TOP3A: variants seen among roughly 807,000 people sequenced by gnomAD.
TOP3A encodes the protein DNA topoisomerase III alpha.
Under a neutral mutation model 111.3 loss-of-function variants are expected in TOP3A, and 64 were observed. That is an observed-to-expected ratio of 0.57 (90% confidence interval 0.47 to 0.71). The LOEUF (loss-of-function observed/expected upper bound fraction) is 0.71. Ranked by LOEUF, TOP3A falls within the 30% of genes least tolerant of loss-of-function variation. TOP3A has a pLI of 0.00. For synonymous variants in TOP3A, 484 were observed against 485.1 expected, an observed-to-expected ratio of 1.00 and a Z score of 0.03; for missense variants, 1,104 against 1,285.0, an observed-to-expected ratio of 0.86 and a Z score of 2.15.
rs776815778 is a variant in TOP3A at position 18,314,625 on chromosome 17, G to T, written c.154C>A (p.Leu52Met). 6.2e-7 allele frequency: 1 copy of T among 1,611,624 alleles called. No individual in the cohort carries two copies. Among genetic ancestry groups the T allele is most frequent in the Non-Finnish European group, 8.5e-7 (1 of 1,178,836 alleles). Residue 52 changes from leucine to methionine, a missense_variant, in exon 1 of 19, where the codon CTG becomes ATG. Transcript: ENST00000321105. ...CGCCTCATGCGACCGTTTGACAGCA[G>T]GTCGGCGATCCCCTTGGCCGCGTCG... Reference protein sequence around the residue: ...KNDAAKGIADLLSNGRMRRRE... With the variant: ...KNDAAKGIADMLSNGRMRRRE...
In TOP3A at chr17:18,294,881, T is replaced by C. The variant is rs1597972378; in HGVS notation, c.991-96A>G. 4 of 792,870 alleles carry C rather than the reference T, an allele frequency of 5.0e-6. No homozygotes were observed. In the East Asian group the frequency reaches 7.7e-5, roughly 15 times the overall value. The allele number at this position is 792,870 out of a possible 1,614,324, so 49.1% of individuals were successfully genotyped here. Reference sequence around the variant, plus strand: ...CATCTTCAGTCAAATCTGGCCCGTGTCACTCCAGGTGCTTCTGTCAAACAG... The same window carrying C: ...CATCTTCAGTCAAATCTGGCCCGTGCCACTCCAGGTGCTTCTGTCAAACAG... On this transcript the variant is annotated intron_variant, in intron 9 of 18. Transcript: ENST00000321105.
intron 1 of TOP3A, 111 bp downstream of exon 1, chr17:18,314,488 C>T (rs1286787192): frequency 7.8e-7 from 1 of 1,274,732 alleles, no homozygotes; most frequent in African/African-American, 1.5e-5. Context: ...GGCAGTGAGG[C>T]CTGAGAAATG....
chr17:18,299,753 G>C, intron 8 of TOP3A, 120 bp from the exon 9 acceptor site: 1 of 899,958 alleles, frequency 1.1e-6, no homozygotes, highest in South Asian at 1.4e-5. Flanking sequence ...TAAGCCCGCA[G>C]TGACAGCCTA....
In TOP3A at chr17:18,292,754, G is replaced by A. The variant is rs755837172; in HGVS notation, c.1172C>T (p.Ala391Val). The A allele has an allele frequency of 1.9e-6, 3 of 1,613,664 alleles. No individual in the cohort carries two copies. Among genetic ancestry groups the A allele is most frequent in the Non-Finnish European group, 2.5e-6 (3 of 1,179,774 alleles). The change falls in exon 11 of 19, where the codon GCC becomes GTC. Residue 391 changes from alanine (A) to valine (V), a missense_variant. Physicochemically the swap from Ala to Val is moderately conservative, Grantham distance 64. Transcript: ENST00000321105. The stretch of plus-strand genomic sequence containing the variant: ...CCGCTCTAGAATGCTCTGGGCAAAG[G>A]CCCCCCAGCGTGGATCGGGGGTCTG... ...EQQTPDPRWG[A>V]FAQSILERGG... is the part of the protein sequence containing the mutation.
chr17:18,288,678 C>T (rs954018218), intron 13 of TOP3A, among the ~76,000 whole-genome samples: 9 of 152,130 alleles, frequency 5.9e-5, no homozygotes, highest in Non-Finnish European at 1.2e-4. Flanking sequence ...TGCTCCTGTG[C>T]CCTTCCTCAG....
rs1195127047 is a variant in TOP3A at position 18,282,759 on chromosome 17, G to T, written c.1960C>A (p.Pro654Thr). The T allele has an allele frequency of 6.2e-7, 1 of 1,614,150 alleles. No individual in the cohort carries two copies. Among genetic ancestry groups the T allele is most frequent in the South Asian group, 1.1e-5 (1 of 91,078 alleles). The change falls in exon 16 of 19, where the codon CCC (proline) becomes ACC (threonine). Residue 654 changes from proline (P) to threonine (T), a missense_variant. Pro to Thr is a conservative substitution (Grantham distance 38). Coordinates refer to ENST00000321105, the MANE Select transcript of TOP3A (RefSeq NM_004618.5). Reference sequence around the variant, plus strand: ...TTGCACTGTGGGCACTTCCTGATGGGCTCTGGCATGGCTGGGTAGATATCT... The same window carrying T: ...TTGCACTGTGGGCACTTCCTGATGGTCTCTGGCATGGCTGGGTAGATATCT... ...QEDIYPAMPEPIRKCPQCNKD... is the reference protein window; with the variant it reads ...QEDIYPAMPETIRKCPQCNKD...
In TOP3A at chr17:18,273,323, G is replaced by T. The variant is rs1303149456; in HGVS notation, c.*1479C>A. On this transcript the variant is annotated 3_prime_UTR_variant, in exon 19 of 19. Coordinates refer to ENST00000321105, the MANE Select transcript of TOP3A (RefSeq NM_004618.5). ...AAGGTTTTTGTGAAGGCAAACGGGG[G>T]AACATGGCCACCACTGGAAAAAGTG... is the stretch of plus-strand genomic sequence containing the variant. 1.3e-5 allele frequency: 2 copies of T among 152,228 alleles called. No individual in the cohort carries two copies. Among genetic ancestry groups the T allele is most frequent in the African/African-American group, 4.8e-5 (2 of 41,450 alleles). 9.4% of individuals were successfully genotyped at this position (152,228 alleles called of 1,614,324 possible).
intron 18 of TOP3A, 93 bp from the exon 19 acceptor site, chr17:18,275,073 C>G: frequency 6.7e-6 from 10 of 1,497,024 alleles, no homozygotes; most frequent in Non-Finnish European, 9.0e-6. Flanking sequence ...AATCCCAGCA[C>G]TTTAGGAAGC....
rs755649782 is a variant in TOP3A at position 18,314,731 on chromosome 17, G to T, written c.48C>A (p.Pro16=). 3.2e-6 allele frequency: 5 copies of T among 1,586,148 alleles called. No homozygotes were observed. In the Admixed American group the frequency reaches 7.2e-5, roughly 23 times the overall value. Residue 16 remains proline (P), a synonymous_variant, in exon 1 of 19, where the codon CCC becomes CCA. Coordinates refer to ENST00000321105, the MANE Select transcript of TOP3A (RefSeq NM_004618.5). ...ARYALRWLRR[P]EDRAFSRAAM... is the part of the protein sequence containing the mutation. ...CGGCGCGGGAAAAGGCACGGTCTTC[G>T]GGCCGTCGCAGCCACCGGAGCGCGT...
chr17:18,287,588 TG>T (rs1184904274), intron 13 of TOP3A, among the ~76,000 whole-genome samples: 1 of 151,888 alleles, frequency 6.6e-6, no homozygotes, highest in Admixed American at 6.6e-5. Flanking sequence ...TGGCAACACA[TG>T]CCTGTAGTCC....
chr17:18,280,783 A>C, intron 16 of TOP3A, 125 bp from the exon 17 acceptor site: 1 of 1,076,980 alleles, frequency 9.3e-7, no homozygotes, highest in South Asian at 1.5e-5. Context: ...ATGACACTTA[A>C]CTGGATACAC....
chr17:18,300,699 G>A (rs1981174273), intron 8 of TOP3A, among the ~76,000 whole-genome samples: 1 of 151,994 alleles, frequency 6.6e-6, no homozygotes, highest in South Asian at 2.1e-4. Context: ...GGAACTATAT[G>A]CAGGTACCAC....
chr17:18,282,431 A>T (rs1979816226), intron 16 of TOP3A, among the ~76,000 whole-genome samples: 1 of 152,206 alleles, frequency 6.6e-6, no homozygotes, highest in African/African-American at 2.4e-5. Flanking sequence ...TGTGTTACAC[A>T]TTGGGTATAT....
At chr17:18,280,414 C>T in intron 17 of TOP3A, 122 bp downstream of exon 17, 2 of 1,162,388 alleles carry the variant, frequency 1.7e-6, no homozygotes, top group Non-Finnish European at 2.4e-6. Context: ...CTGCAGAACA[C>T]AGCTACGCCC....
rs762149925 is a variant in TOP3A at position 18,274,985 on chromosome 17, C to T, written c.2828-5G>A. 20 of 1,612,686 alleles carry T rather than the reference C, an allele frequency of 1.2e-5. No individual in the cohort carries two copies. Among genetic ancestry groups the T allele is most frequent in the Middle Eastern group, 1.7e-4 (1 of 5,942 alleles). Reference sequence around the variant, plus strand: ...AGGACGGGGCTCCAGAAGTCCCTGTCGGGAGAGTCAGGGGAGGGGTGAGGT... The same window carrying T: ...AGGACGGGGCTCCAGAAGTCCCTGTTGGGAGAGTCAGGGGAGGGGTGAGGT... On this transcript the variant is annotated splice_polypyrimidine_tract_variant and splice_region_variant and intron_variant, in intron 18 of 18. Transcript: ENST00000321105.
intron 9 of TOP3A, among the ~76,000 whole-genome samples, chr17:18,296,615 T>G (rs1196014663): frequency 6.6e-6 from 1 of 151,822 alleles, no homozygotes; most frequent in Non-Finnish European, 1.5e-5. Context: ...ATGCATAACT[T>G]CCCCCATGCA....
chr17:18,308,935 C>T lies in TOP3A; in HGVS notation c.187G>A (p.Gly63Arg). The change falls in exon 2 of 19, where the codon GGA becomes AGA. Residue 63 changes from glycine to arginine, a missense_variant. Transcript: ENST00000321105. ...TAGATCTTGTTGAATTTTGAAAGTC[C>T]TTCTCTCTATAAAACAAAAATAAGT... ...LSNGRMRRRE[G>R]LSKFNKIYEF... The T allele has an allele frequency of 2.0e-6, 3 of 1,529,486 alleles. No individual in the cohort carries two copies. Among genetic ancestry groups the T allele is most frequent in the Non-Finnish European group, 2.7e-6 (3 of 1,123,806 alleles). 94.7% of individuals were successfully genotyped at this position (1,529,486 alleles called of 1,614,324 possible).
At chr17:18,295,032 C>G (rs1466324007) in intron 9 of TOP3A, among the ~76,000 whole-genome samples, 1 of 152,210 alleles carries the variant, frequency 6.6e-6, no homozygotes, top group Non-Finnish European at 1.5e-5. Context: ...GGGGCCCTGA[C>G]CACTGGGGAA....
rs199758558 is a variant in TOP3A, at chr17:18,285,315, G to A, written c.1712-8C>T. The A allele has an allele frequency of 6.2e-7, 1 of 1,613,956 alleles. No homozygotes were observed. The highest frequency in any genetic ancestry group is 1.3e-5 in the African/African-American group (1 of 75,006). ...AGCCCATGGAATCATAACCTGCAGGGAGAGAGTCGAGCTCAGTGAGGGCCC... is the reference window on the plus strand; with the variant it reads ...AGCCCATGGAATCATAACCTGCAGGAAGAGAGTCGAGCTCAGTGAGGGCCC... On this transcript the variant is annotated splice_region_variant and splice_polypyrimidine_tract_variant and intron_variant, in intron 14 of 18. Transcript: ENST00000321105.
Sources: gnomAD v4.1 joint callset for allele counts (sites outside exome capture counted in the v4.1 genomes callset) on GRCh38, gnomAD v4.1.1 for gene constraint, MANE v1.5 for transcripts, NCBI Gene and HGNC (gene_info 2026-07-23, HGNC 2026-07-21) for gene names.